The following NAA25 variants were observed in gnomAD, a reference collection of about 807,000 sequenced individuals.
NAA25 encodes N-alpha-acetyltransferase 25, NatB auxiliary subunit, also known as N-terminal acetyltransferase B complex subunit NAA25.
NAA25 carries 30 observed loss-of-function variants against 132.5 expected under a neutral mutation model. The observed-to-expected ratio is 0.23, with a 90% CI of 0.17 to 0.31. The LOEUF (loss-of-function observed/expected upper bound fraction) is 0.31. NAA25 is among the 10% of genes least tolerant of loss of function. The probability of loss-of-function intolerance (pLI) is 1.00; values close to 1 mark genes in which losing one functional copy is unlikely to be tolerated. For synonymous variants in NAA25, 359 were observed against 401.9 expected, an observed-to-expected ratio of 0.89 and a Z score of 1.28; for missense variants, 771 against 1,150.4, an observed-to-expected ratio of 0.67 and a Z score of 4.77.
At chr12:112,059,810 G>GT (rs35524293) in intron 13 of NAA25, among the ~76,000 whole-genome samples, 25,628 of 140,780 alleles carry the variant, frequency 0.18, 3,574 homozygotes, top group East Asian at 0.61. Context: ...CTGGAGACAG[G>GT]TTTTTTTTTT....
rs2078092322 is a variant in NAA25 at position 112,026,793 on chromosome 12, T to C, written c.*2738A>G. 6.6e-6 allele frequency: 1 copy of C among 152,232 alleles called. No homozygotes were observed. Among genetic ancestry groups the C allele is most frequent in the Non-Finnish European group, 1.5e-5 (1 of 68,026 alleles). The allele number at this position is 152,232 out of a possible 1,614,324, so 9.4% of individuals were successfully genotyped here. A position where few individuals can be genotyped will look rare whatever the true frequency, so the allele number is the denominator to read the frequency against. On this transcript the variant is annotated 3_prime_UTR_variant, in exon 24 of 24. Transcript: ENST00000261745. ...GAAGAATATATACTTCCTATATTAA[T>C]AAATCACATCAAATAAGTAGGAAGT...
chr12:112,060,914 T>C (rs1184008206), intron 12 of NAA25, among the ~76,000 whole-genome samples: 1 of 152,180 alleles, frequency 6.6e-6, no homozygotes, highest in Non-Finnish European at 1.5e-5. Flanking sequence ...ATAATTATCA[T>C]AAACTATGCA....
At chr12:112,047,410 T>G (rs917598218) in intron 17 of NAA25, among the ~76,000 whole-genome samples, 3 of 152,080 alleles carry the variant, frequency 2.0e-5, no homozygotes, top group Admixed American at 1.3e-4. Context: ...TTTTGTATTT[T>G]TAGTAGAGAT....
At chr12:112,091,473 G>A (rs890571702) in intron 2 of NAA25, among the ~76,000 whole-genome samples, 4 of 151,932 alleles carry the variant, frequency 2.6e-5, no homozygotes, top group African/African-American at 4.8e-5. Flanking sequence ...AGGATTGCTT[G>A]AGCCCACAAA....
chr12:112,046,200 A>G (rs562981005), intron 17 of NAA25, among the ~76,000 whole-genome samples: 3 of 152,372 alleles, frequency 2.0e-5, no homozygotes, highest in South Asian at 2.1e-4. Flanking sequence ...GTGTACCCAC[A>G]TAACAATGAA....
chr12:112,100,765 G>A (rs1017960149), intron 1 of NAA25, among the ~76,000 whole-genome samples: 5 of 151,652 alleles, frequency 3.3e-5, no homozygotes, highest in South Asian at 2.1e-4. Flanking sequence ...GACTACAGGC[G>A]CCCGCCATCA....
chr12:112,027,325 A>ATTTT lies in NAA25; in HGVS notation c.*2202_*2205dup, dbSNP rs927186877. The ATTTT allele has an allele frequency of 6.7e-6, 1 of 149,416 alleles. No homozygotes were observed. Among genetic ancestry groups the ATTTT allele is most frequent in the African/African-American group, 2.5e-5 (1 of 39,470 alleles). 9.3% of individuals were successfully genotyped at this position (149,416 alleles called of 1,614,324 possible). On this transcript the variant is annotated 3_prime_UTR_variant, in exon 24 of 24. Transcript: ENST00000261745. Reference sequence around the variant, plus strand: ...CATGTAAGAATATATATATATATATATTTTTTTAACTGTACACAATTTATA... The same window carrying ATTTT: ...CATGTAAGAATATATATATATATATATTTTTTTTTTTAACTGTACACAATTTATA...
chr12:112,077,496 T>G (rs1441657593), intron 7 of NAA25, among the ~76,000 whole-genome samples: 3 of 145,456 alleles, frequency 2.1e-5, no homozygotes, highest in Non-Finnish European at 4.5e-5. Flanking sequence ...AAGAAAGAAA[T>G]AATGGAGCCC....
chr12:112,072,083 A>G lies in NAA25; in HGVS notation c.867-19T>C, dbSNP rs2078818371. 1.2e-6 allele frequency: 2 copies of G among 1,603,418 alleles called. No homozygotes were observed. The highest frequency in any genetic ancestry group is 4.5e-5 in the East Asian group (2 of 44,720). On this transcript the variant is annotated intron_variant, in intron 9 of 23. Coordinates refer to ENST00000261745, the MANE Select transcript of NAA25 (RefSeq NM_024953.4). ...TAAAGAGCTGAGGAAAAGCACATGA[A>G]AAAGGAATTTTATTGCCTCTATTGT...
At chr12:112,087,530 C>A (rs944713480) in intron 4 of NAA25, among the ~76,000 whole-genome samples, 153 bp downstream of exon 4, 1 of 152,216 alleles carries the variant, frequency 6.6e-6, no homozygotes, top group Non-Finnish European at 1.5e-5. Context: ...CAACTTTAAA[C>A]ACATAAGGAA....
At chr12:112,106,635 T>G (rs1193177796) in intron 1 of NAA25, among the ~76,000 whole-genome samples, 1 of 152,078 alleles carries the variant, frequency 6.6e-6, no homozygotes, top group East Asian at 1.9e-4. Flanking sequence ...CAGCTCAAAG[T>G]GAGGTAGTTT....
At chr12:112,036,384 A>G (rs1020271423) in intron 22 of NAA25, among the ~76,000 whole-genome samples, 16 of 152,214 alleles carry the variant, frequency 1.1e-4, no homozygotes, top group Non-Finnish European at 2.1e-4. Flanking sequence ...TGAATTCCCA[A>G]AACTATTTAG....
intron 11 of NAA25, among the ~76,000 whole-genome samples, chr12:112,065,371 G>A (rs1432975146): frequency 6.6e-6 from 1 of 152,092 alleles, no homozygotes; most frequent in Non-Finnish European, 1.5e-5. Flanking sequence ...ATGGTGGCGG[G>A]CACCTGTAAT....
intron 4 of NAA25, among the ~76,000 whole-genome samples, chr12:112,086,318 A>G (rs987288561): frequency 2.6e-5 from 4 of 151,432 alleles, no homozygotes; most frequent in African/African-American, 7.3e-5. Context: ...CAACATGGTA[A>G]AACCTCGCCT....
chr12:112,033,425 A>G, intron 22 of NAA25, 46 bp from the exon 23 acceptor site: 1 of 1,512,046 alleles, frequency 6.6e-7, no homozygotes, highest in African/African-American at 1.4e-5. Context: ...CAAACATATT[A>G]CCCATATCTA....
In NAA25 at chr12:112,029,624, T is replaced by C; in HGVS notation, c.2826A>G (p.Gln942=). The change falls in exon 24 of 24, where the codon CAA becomes CAG. Residue 942 remains glutamine (Q), a synonymous_variant. Transcript: ENST00000261745. ...PEERKFSKTV[Q]GKVQSSYLHS... is the part of the protein sequence containing the mutation. ...GCAGATAACTGCTCTGCACCTTCCC[T>C]TGCACAGTCTTTGAAAATTTTCTCT... 1 of 1,613,778 alleles carries C rather than the reference T, an allele frequency of 6.2e-7. No individual in the cohort carries two copies. Among genetic ancestry groups the C allele is most frequent in the Non-Finnish European group, 8.5e-7 (1 of 1,179,900 alleles).
At chr12:112,052,616 A>G (rs1447696279) in intron 15 of NAA25, among the ~76,000 whole-genome samples, 2 of 152,216 alleles carry the variant, frequency 1.3e-5, no homozygotes, top group Non-Finnish European at 2.9e-5. Context: ...AAATGCTTCT[A>G]TTTAATACAA....
chr12:112,046,101 G>A (rs1247321955), intron 17 of NAA25, among the ~76,000 whole-genome samples: 5 of 152,220 alleles, frequency 3.3e-5, no homozygotes, highest in Admixed American at 3.3e-4. Context: ...CCCTAAAATG[G>A]TAAGAGTGAC....
At chr12:112,053,859 T>C (rs1179770151) in intron 14 of NAA25, among the ~76,000 whole-genome samples, 2 of 145,818 alleles carry the variant, frequency 1.4e-5, no homozygotes, top group Non-Finnish European at 3.0e-5. Context: ...GTTAACTCAG[T>C]TTTGTGGGAG....
Sources: gnomAD v4.1 joint callset for allele counts (sites outside exome capture counted in the v4.1 genomes callset) on GRCh38, gnomAD v4.1.1 for gene constraint, MANE v1.5 for transcripts, NCBI Gene and HGNC (gene_info 2026-07-23, HGNC 2026-07-21) for gene names.